The following TRPM6 variants were observed in gnomAD, a reference collection of about 807,000 sequenced individuals.
TRPM6 encodes transient receptor potential cation channel subfamily M member 6, also known as channel kinase 2.
Under a neutral mutation model 247.6 loss-of-function variants are expected in TRPM6, and 111 were observed. The ratio of observed to expected loss-of-function variants is 0.45; its 90% CI spans 0.38 to 0.52. TRPM6 has a LOEUF of 0.52. Among genes scored for constraint, TRPM6 ranks in the 20% least tolerant of loss-of-function variants. The pLI, the probability that TRPM6 is intolerant of heterozygous loss-of-function variation, is 0.00. For missense variants in TRPM6, 2,126 were observed against 2,421.5 expected, an observed-to-expected ratio of 0.88 and a Z score of 2.56; for synonymous variants, 892 against 853.8, an observed-to-expected ratio of 1.04 and a Z score of -0.78.
chr9:74,878,478 CA>C (rs1831258943), intron 1 of TRPM6, among the ~76,000 whole-genome samples: 1 of 152,208 alleles, frequency 6.6e-6, no homozygotes, highest in Admixed American at 6.5e-5. Flanking sequence ...CACTAACAAT[CA>C]CACCTGAAGC....
At chr9:74,869,771 G>A (rs536261569) in intron 1 of TRPM6, among the ~76,000 whole-genome samples, 3 of 152,146 alleles carry the variant, frequency 2.0e-5, no homozygotes, top group Admixed American at 6.5e-5. Context: ...TGCAATGAGC[G>A]AATGGAAATG....
chr9:74,887,733 G>T (rs1352605428), intron 1 of TRPM6, 91 bp downstream of exon 1: 6 of 1,613,218 alleles, frequency 3.7e-6, no homozygotes, highest in Non-Finnish European at 5.1e-6. Flanking sequence ...AGTGTCCCTG[G>T]CCCCACCCAC....
At chr9:74,781,459 C>T (rs1043000467) in intron 23 of TRPM6, among the ~76,000 whole-genome samples, 1 of 145,644 alleles carries the variant, frequency 6.9e-6, no homozygotes, top group Non-Finnish European at 1.5e-5. Flanking sequence ...TTGCTTGAAC[C>T]CAGGAGGCAG....
Position 74,738,444 on chromosome 9 carries a change from C to G in TRPM6, c.5739G>C (p.Glu1913Asp), listed in dbSNP as rs1307137346. 6.2e-7 allele frequency: 1 copy of G among 1,613,988 alleles called. No individual in the cohort carries two copies. The highest frequency in any genetic ancestry group is 8.5e-7 in the Non-Finnish European group (1 of 1,179,994). The change falls in exon 36 of 39, where the codon GAG (glutamate) becomes GAC (aspartate). Residue 1913 changes from glutamate (E) to aspartate (D), a missense_variant. Coordinates refer to ENST00000360774, the MANE Select transcript of TRPM6 (RefSeq NM_017662.5). ...AAACCAGCAGCTCTCCCCGAGTGTA[C>G]TCATAGGTCCAGTGAGAGAAAGCCA... ...LMLAFSHWTY[E>D]YTRGELLVLD... is the part of the protein sequence containing the mutation.
intron 9 of TRPM6, 26 bp downstream of exon 9, chr9:74,820,278 T>A (rs753497130): frequency 1.9e-6 from 3 of 1,612,612 alleles, no homozygotes; most frequent in Non-Finnish European, 2.5e-6. Flanking sequence ...CTTAAGTCAG[T>A]TGAATCATCA....
At chr9:74,795,141 TA>T (rs1393217585) in intron 18 of TRPM6, among the ~76,000 whole-genome samples, 1 of 152,124 alleles carries the variant, frequency 6.6e-6, no homozygotes. Flanking sequence ...CGGCCTTGTT[TA>T]AAAGACCCTC....
chr9:74,725,456 A>G (rs576066644), intron 38 of TRPM6, among the ~76,000 whole-genome samples: 1 of 152,192 alleles, frequency 6.6e-6, no homozygotes, highest in Admixed American at 6.5e-5. Context: ...TTTATTGAAC[A>G]TGTAAATTGA....
At chr9:74,859,817 C>A (rs867497559) in intron 1 of TRPM6, among the ~76,000 whole-genome samples, 5 of 151,420 alleles carry the variant, frequency 3.3e-5, no homozygotes, top group African/African-American at 9.7e-5. Flanking sequence ...ACTTTATACA[C>A]ACATAGATAT....
chr9:74,844,080 G>A (rs1290508162), intron 3 of TRPM6, among the ~76,000 whole-genome samples: 1 of 152,162 alleles, frequency 6.6e-6, no homozygotes, highest in Non-Finnish European at 1.5e-5. Context: ...TGAGATTCAG[G>A]CTTTGTTGTT....
At chr9:74,732,570 C>T in intron 37 of TRPM6, 115 bp downstream of exon 37, 1 of 794,284 alleles carries the variant, frequency 1.3e-6, no homozygotes. Context: ...CATAAGCTAC[C>T]TAAAAACCTT....
intron 30 of TRPM6, among the ~76,000 whole-genome samples, chr9:74,750,446 C>T (rs747989132): frequency 2.6e-5 from 4 of 151,982 alleles, no homozygotes; most frequent in Non-Finnish European, 5.9e-5. Flanking sequence ...GTATGTGTTT[C>T]GTTATATTCT....
intron 30 of TRPM6, among the ~76,000 whole-genome samples, chr9:74,749,814 A>G (rs1240283945): frequency 6.6e-6 from 1 of 152,204 alleles, no homozygotes; most frequent in Non-Finnish European, 1.5e-5. Flanking sequence ...GTGTCCTTTA[A>G]GTCTGGAGGC....
chr9:74,757,355 G>T lies in TRPM6; in HGVS notation c.4786-1882C>A, dbSNP rs183092604. ...AGCACTTTGGGAGGCTGAGGCAGGC[G>T]GATCAATTGAGGCCAGCCTGGCCAA... is the stretch of plus-strand genomic sequence containing the variant. On this transcript the variant is annotated intron_variant, in intron 27 of 38. Coordinates refer to ENST00000360774, the MANE Select transcript of TRPM6 (RefSeq NM_017662.5). Among the ~76,000 whole-genome samples the T allele has an allele frequency of 5.9e-5, 9 of 151,902 alleles. No homozygotes were observed. In the South Asian group the frequency reaches 1.9e-3, roughly 32 times the overall value.
intron 21 of TRPM6, among the ~76,000 whole-genome samples, chr9:74,783,382 G>A (rs1827530638): frequency 6.6e-6 from 1 of 152,122 alleles, no homozygotes; most frequent in Non-Finnish European, 1.5e-5. Flanking sequence ...TATTTCAAGA[G>A]CTACTCTACA....
chr9:74,822,530 C>T (rs1167477407), intron 7 of TRPM6, among the ~76,000 whole-genome samples: 2 of 151,916 alleles, frequency 1.3e-5, no homozygotes, highest in Non-Finnish European at 1.5e-5. Context: ...CTTGGAATTA[C>T]AGGTGTGAGC....
chr9:74,884,890 G>A (rs989765820), intron 1 of TRPM6, among the ~76,000 whole-genome samples: 2 of 152,162 alleles, frequency 1.3e-5, no homozygotes, highest in African/African-American at 4.8e-5. Flanking sequence ...TAGGAAACAG[G>A]AGCCAGCATA....
chr9:74,788,876 G>C, intron 19 of TRPM6, 134 bp from the exon 20 acceptor site: 1 of 1,039,074 alleles, frequency 9.6e-7, no homozygotes, highest in Non-Finnish European at 1.4e-6. Flanking sequence ...GACCACCTTC[G>C]GGTTATTGAT....
chr9:74,879,660 A>T (rs924826755), intron 1 of TRPM6, among the ~76,000 whole-genome samples: 1 of 152,138 alleles, frequency 6.6e-6, no homozygotes, highest in Non-Finnish European at 1.5e-5. Flanking sequence ...TAAAAATCCA[A>T]GAGGACCAGG....
At chr9:74,870,548 G>C (rs1830988956) in intron 1 of TRPM6, among the ~76,000 whole-genome samples, 1 of 152,186 alleles carries the variant, frequency 6.6e-6, no homozygotes, top group Non-Finnish European at 1.5e-5. Context: ...GTTCTCCCTG[G>C]GTGAGTGACC....
Sources: gnomAD v4.1 joint callset for allele counts (sites outside exome capture counted in the v4.1 genomes callset) on GRCh38, gnomAD v4.1.1 for gene constraint, MANE v1.5 for transcripts, NCBI Gene and HGNC (gene_info 2026-07-23, HGNC 2026-07-21) for gene names.